The following NUP58 variants were observed in gnomAD, a reference collection of about 807,000 sequenced individuals.
NUP58 encodes nucleoporin p58/p45.
In NUP58, 17 loss-of-function variants were observed where a neutral mutation model predicts 70.1. The observed-to-expected ratio is 0.24, with a 90% CI of 0.17 to 0.36. The LOEUF is 0.36. Ranked by LOEUF, NUP58 falls within the 10% of genes least tolerant of loss-of-function variation. The pLI, the probability that NUP58 is intolerant of heterozygous loss-of-function variation, is 1.00. For synonymous variants in NUP58, 275 were observed against 257.6 expected (o/e 1.07, Z -0.65); for missense variants, 644 against 701.5 (o/e 0.92, Z 0.93).
intron 13 of NUP58, chr13:25,333,450 A>T (rs1021803269): frequency 1.0e-6 from 1 of 985,314 alleles, no homozygotes; most frequent in East Asian, 1.1e-4. Flanking sequence ...TTTGAAGTCC[A>T]CATAAGGGCT....
Position 25,306,368 on chromosome 13 carries a change from T to C in NUP58, c.108-1438T>C, listed in dbSNP as rs112746886. On this transcript the variant is annotated intron_variant, in intron 1 of 15. Coordinates refer to ENST00000381736, the MANE Select transcript of NUP58 (RefSeq NM_014089.4). ...TGCGGAGTGCCACTGCACTCCAGCC[T>C]GGGCAACAGAGTGAGACTCCGTCTC... is the stretch of plus-strand genomic sequence containing the variant. 5.4e-3 allele frequency among the ~76,000 whole-genome samples: 715 copies of C among 132,066 alleles called. 4 individuals are homozygous for C. Among genetic ancestry groups the C allele is most frequent in the African/African-American group, 0.02 (667 of 33,634 alleles). 86.6% of individuals were successfully genotyped at this position (132,066 alleles called of 152,430 possible).
downstream of NUP58, among the ~76,000 whole-genome samples, chr13:25,344,994 G>T (rs1044775251): frequency 6.6e-6 from 1 of 152,152 alleles, no homozygotes; most frequent in African/African-American, 2.4e-5. Context: ...AGTGTCCTGG[G>T]AAGTCTTGAG....
chr13:25,320,687 AGAGGAG>A (rs2031143410), intron 8 of NUP58, 92 bp downstream of exon 8: 1 of 939,738 alleles, frequency 1.1e-6, no homozygotes. Flanking sequence ...ATCGCATCCT[AGAGGAG>A]CATCTCTTAA....
At chr13:25,305,130 G>GTTTTTTTTTTTTTTTTTT (rs562132125) in intron 1 of NUP58, among the ~76,000 whole-genome samples, 13 of 58,570 alleles carry the variant, frequency 2.2e-4, no homozygotes, top group African/African-American at 6.7e-4. Context: ...GATCTGTGGG[G>GTTTTTTTTTTTTTTTTTT]TTTTTTTTTT....
Position 25,315,362 on chromosome 13 carries a change from G to A in NUP58, c.580G>A (p.Gly194Arg), listed in dbSNP as rs1225856933. ...AAGTTATGTTTTATTTATAGGACTTGGACAGAATGCTTTAGGGTTGACTTT... is the reference window on the plus strand; with the variant it reads ...AAGTTATGTTTTATTTATAGGACTTAGACAGAATGCTTTAGGGTTGACTTT... ...QSTNTGTSGL[G>R]QNALGLTLGT... Residue 194 changes from glycine to arginine, a missense_variant, in exon 6 of 16, where the codon GGA (glycine) becomes AGA (arginine). By Grantham distance (125) the Gly-to-Arg change is moderately radical. Transcript: ENST00000381736. 2.5e-6 allele frequency: 4 copies of A among 1,611,194 alleles called. No individual in the cohort carries two copies. The South Asian group carries it at 3.3e-5, about 13-fold the overall frequency.
At position 25,301,799 on chromosome 13, in the gene NUP58, C is replaced by T. The variant is rs2030009767; in HGVS notation, c.26C>T (p.Ser9Phe). MSTGFSFG[S>F]GTLGSTTVAA... is the part of the protein sequence containing the mutation. ...ATGTCCACAGGGTTCTCCTTCGGGT[C>T]CGGGACTCTGGGCTCCACCACCGTG... is the stretch of plus-strand genomic sequence containing the variant. The change falls in exon 1 of 16, where the codon TCC (serine) becomes TTC (phenylalanine). Residue 9 changes from serine to phenylalanine, a missense_variant. Physicochemically the swap from Ser to Phe is radical, Grantham distance 155. This residue lies in a region of NUP58 where 430 missense variants were observed against 409.2 expected (regional missense o/e 1.05). Coordinates refer to ENST00000381736, the MANE Select transcript of NUP58 (RefSeq NM_014089.4). 1 of 1,613,358 alleles carries T rather than the reference C, an allele frequency of 6.2e-7. No individual in the cohort carries two copies. Among genetic ancestry groups the T allele is most frequent in the African/African-American group, 1.3e-5 (1 of 74,906 alleles).
intron 9 of NUP58, among the ~76,000 whole-genome samples, chr13:25,324,472 C>T (rs1325621062): frequency 6.6e-6 from 1 of 152,056 alleles, no homozygotes; most frequent in African/African-American, 2.4e-5. Context: ...TGATATTGGG[C>T]AAGTTACTTA....
At chr13:25,330,544 A>G (rs1593195952) in intron 12 of NUP58, among the ~76,000 whole-genome samples, 1 of 152,222 alleles carries the variant, frequency 6.6e-6, no homozygotes, top group Non-Finnish European at 1.5e-5. Flanking sequence ...TGTCTCTTCA[A>G]AAAGTGGTTA....
chr13:25,315,505 C>A lies in NUP58; in HGVS notation c.685+38C>A. ...GTTGTAACTTTATGTTTTAACAGTT[C>A]TGTTGAGGGAATGTCTAGGTTGCTC... On this transcript the variant is annotated intron_variant, in intron 6 of 15. Coordinates refer to ENST00000381736, the MANE Select transcript of NUP58 (RefSeq NM_014089.4). 3 of 1,421,344 alleles carry A rather than the reference C, an allele frequency of 2.1e-6. No homozygotes were observed. In the South Asian group the frequency reaches 3.5e-5, roughly 17 times the overall value. The allele number at this position is 1,421,344 out of a possible 1,614,324, so 88.0% of individuals were successfully genotyped here.
chr13:25,336,643 ATTAT>A (rs1409478363), intron 13 of NUP58, among the ~76,000 whole-genome samples: 1 of 152,216 alleles, frequency 6.6e-6, no homozygotes, highest in Admixed American at 6.5e-5. Context: ...AAGATTTCAA[ATTAT>A]TTAGTAGATT....
chr13:25,302,010 A>C, intron 1 of NUP58, 130 bp downstream of exon 1: 1 of 642,418 alleles, frequency 1.6e-6, no homozygotes, highest in Non-Finnish European at 2.6e-6. Context: ...GAAGCACTTA[A>C]TCTAGCCGCC....
intron 3 of NUP58, among the ~76,000 whole-genome samples, chr13:25,312,206 C>G (rs1337598261): frequency 6.6e-6 from 1 of 151,838 alleles, no homozygotes; most frequent in Non-Finnish European, 1.5e-5. Context: ...GACAGAGACA[C>G]AAGGGCCAGA....
rs113549668 is a variant in NUP58, at chr13:25,336,063, CAA to C, written c.1436-872_1436-871del. 76 of 1,194,210 alleles carry C rather than the reference CAA, an allele frequency of 6.4e-5. No homozygotes were observed. In the African/African-American group the frequency reaches 9.4e-4, roughly 15 times the overall value. 74.0% of individuals were successfully genotyped at this position (1,194,210 alleles called of 1,614,324 possible). ...AACTCAGCCAAAATCTTTAAAGTAA[CAA>C]GAGGGAAAAGGATGACTAATCGTTC... is the stretch of plus-strand genomic sequence containing the variant. On this transcript the variant is annotated intron_variant, in intron 13 of 15. Coordinates refer to ENST00000381736, the MANE Select transcript of NUP58 (RefSeq NM_014089.4).
intron 7 of NUP58, 112 bp downstream of exon 7, chr13:25,319,462 C>A: frequency 1.1e-6 from 1 of 939,264 alleles, no homozygotes; most frequent in South Asian, 1.6e-5. Flanking sequence ...GGAGAAAAAA[C>A]TTTTTTGTAA....
At chr13:25,309,493 A>C (rs1280463310) in intron 3 of NUP58, 2 of 428,908 alleles carry the variant, frequency 4.7e-6, no homozygotes, top group South Asian at 1.1e-4. Context: ...TATAATTCAG[A>C]AAAGTATTTT....
chr13:25,325,543 G>C (rs1246259695), intron 10 of NUP58, among the ~76,000 whole-genome samples: 1 of 152,194 alleles, frequency 6.6e-6, no homozygotes, highest in Non-Finnish European at 1.5e-5. Context: ...TGTTGATGAA[G>C]ATAATAATAA....
intron 3 of NUP58, among the ~76,000 whole-genome samples, chr13:25,348,096 G>A (rs1178362433): frequency 1.3e-5 from 2 of 152,118 alleles, no homozygotes; most frequent in Non-Finnish European, 2.9e-5. Flanking sequence ...CATGTGTGGT[G>A]GGCGTGATTG....
rs533619445 is a variant in NUP58, at chr13:25,334,878, G to A, written c.1436-2058G>A. The A allele has an allele frequency of 2.2e-5, 22 of 984,560 alleles. No homozygotes were observed. The African/African-American group carries it at 3.3e-4, about 15-fold the overall frequency. 61.0% of individuals were successfully genotyped at this position (984,560 alleles called of 1,614,324 possible). On this transcript the variant is annotated intron_variant, in intron 13 of 15. Coordinates refer to ENST00000381736, the MANE Select transcript of NUP58 (RefSeq NM_014089.4). ...AAGATTTCACTTTGGCCAGTCATTG[G>A]TATATATCACTACAAACTTAATTTT...
chr13:25,312,289 A>G (rs2030707011), intron 3 of NUP58, among the ~76,000 whole-genome samples: 1 of 152,194 alleles, frequency 6.6e-6, no homozygotes, highest in Non-Finnish European at 1.5e-5. Flanking sequence ...GAGGGAAAGG[A>G]GGAGGATAAA....
Sources: allele counts gnomAD v4.1 joint callset (sites outside exome capture counted in the v4.1 genomes callset), GRCh38; gene constraint gnomAD v4.1.1; regional missense constraint gnomAD v4.1.1; transcripts MANE v1.5; gene names NCBI Gene and HGNC (gene_info 2026-07-23, HGNC 2026-07-21).